Variants in AGL observed in about 807,000 individuals in gnomAD.
AGL encodes glycogen debranching enzyme.
Under a neutral mutation model 199.3 loss-of-function variants are expected in AGL, and 128 were observed. That is an observed-to-expected ratio of 0.64 (90% CI 0.56 to 0.74). AGL has a LOEUF of 0.74. AGL is among the 30% of genes least tolerant of loss of function. AGL has a pLI of 0.00. For synonymous variants in AGL, 584 were observed against 594.7 expected (o/e 0.98, Z 0.26); for missense variants, 1,809 against 1,820.8 (o/e 0.99, Z 0.12).
Position 99,913,722 on chromosome 1 carries a change from C to T in AGL, c.4145C>T (p.Thr1382Ile), listed in dbSNP as rs1344902124. ...GACTATCAGCTCAGGCCTAATTTTA[C>T]CATAGCAATGGTTGTGGTAGGTGAT... ...WCDYQLRPNF[T>I]IAMVVAPELF... The change falls in exon 30 of 34, where the codon ACC becomes ATC. Residue 1382 changes from threonine to isoleucine, a missense_variant. Transcript: ENST00000361915. 6.2e-7 allele frequency: 1 copy of T among 1,613,962 alleles called. No individual in the cohort carries two copies. Among genetic ancestry groups the T allele is most frequent in the Non-Finnish European group, 8.5e-7 (1 of 1,179,862 alleles).
chr1:99,900,978 A>G (rs994001324), intron 26 of AGL, 117 bp downstream of exon 26: 1 of 1,000,994 alleles, frequency 1.0e-6, no homozygotes, highest in African/African-American at 1.6e-5. Context: ...AATTATTCAA[A>G]TGTCAGTATT....
intron 28 of AGL, among the ~76,000 whole-genome samples, chr1:99,911,954 A>C (rs1441536965): frequency 6.6e-6 from 1 of 152,134 alleles, no homozygotes; most frequent in Admixed American, 6.6e-5. Context: ...CCATCTTTAC[A>C]TGCTTTACCA....
At chr1:99,857,472 G>A (rs1649610291) in intron 2 of AGL, among the ~76,000 whole-genome samples, 1 of 152,068 alleles carries the variant, frequency 6.6e-6, no homozygotes, top group Admixed American at 6.5e-5. Flanking sequence ...GCTGGGAGGT[G>A]GAGGTTGTAG....
chr1:99,889,200 T>A (rs1652689800), intron 21 of AGL, among the ~76,000 whole-genome samples: 1 of 152,212 alleles, frequency 6.6e-6, no homozygotes, highest in South Asian at 2.1e-4. Flanking sequence ...TTGGAAATTG[T>A]TAGCCTTAAA....
intron 9 of AGL, 32 bp from the exon 10 acceptor site, chr1:99,875,326 G>C (rs1308673659): frequency 6.2e-7 from 1 of 1,612,902 alleles, no homozygotes; most frequent in Non-Finnish European, 8.5e-7. Flanking sequence ...CTTGAGGATG[G>C]TGATGATCTA....
rs773106700 is a variant in AGL, at chr1:99,875,267, T to C, written c.1185+11T>C. The C allele has an allele frequency of 4.3e-6, 7 of 1,613,226 alleles. No individual in the cohort carries two copies. The Admixed American group carries it at 5.0e-5, about 12-fold the overall frequency. ...TATCATCAGGAACAGGTTTTACTTA[T>C]TTTTGAACTGCTGCTTTTCCTTGCA... is the stretch of plus-strand genomic sequence containing the variant. On this transcript the variant is annotated intron_variant, in intron 9 of 33. Transcript: ENST00000361915.
At chr1:99,915,006 G>A (rs975355450) in intron 30 of AGL, among the ~76,000 whole-genome samples, 1 of 152,134 alleles carries the variant, frequency 6.6e-6, no homozygotes. Flanking sequence ...CTTGAGCCCA[G>A]GAGATTGAGG....
intron 5 of AGL, 109 bp from the exon 6 acceptor site, chr1:99,870,291 G>T (rs1274751626): frequency 1.7e-6 from 2 of 1,196,540 alleles, no homozygotes; most frequent in Admixed American, 2.0e-5. Flanking sequence ...GTCCAATATA[G>T]AAAAAAATGA....
At chr1:99,879,886 CATTT>C (rs1272827315) in intron 12 of AGL, 33 bp from the exon 13 acceptor site, 4 of 1,545,442 alleles carry the variant, frequency 2.6e-6, no homozygotes, top group East Asian at 2.3e-5. Flanking sequence ...CTTTCTGTTA[CATTT>C]ATTTGTTACA....
intron 20 of AGL, 50 bp downstream of exon 20, chr1:99,884,753 C>T (rs1327298632): frequency 6.2e-7 from 1 of 1,605,484 alleles, no homozygotes; most frequent in Admixed American, 1.7e-5. Flanking sequence ...AAGTAAGTTA[C>T]CACTAGACTG....
chr1:99,916,829 C>T lies in AGL; in HGVS notation c.4481+98C>T, dbSNP rs190690940. The T allele has an allele frequency of 9.5e-5, 121 of 1,275,704 alleles. No homozygotes were observed. In the African/African-American group the frequency reaches 1.4e-3, roughly 14 times the overall value. The allele number at this position is 1,275,704 out of a possible 1,614,324, so 79.0% of individuals were successfully genotyped here. On this transcript the variant is annotated intron_variant, in intron 33 of 33. Coordinates refer to ENST00000361915, the MANE Select transcript of AGL (RefSeq NM_000642.3). ...TTTCTTAGAATTGATTTCTGTATGC[C>T]CTAGGTATCCCAATGAAAAGTGAAG...
At chr1:99,852,934 C>A (rs970361184) in intron 2 of AGL, among the ~76,000 whole-genome samples, 1 of 152,020 alleles carries the variant, frequency 6.6e-6, no homozygotes, top group Non-Finnish European at 1.5e-5. Context: ...CAAAAATATC[C>A]CCTGCCCATT....
chr1:99,870,340 A>G (rs1003560053), intron 5 of AGL, 60 bp from the exon 6 acceptor site: 25 of 1,525,016 alleles, frequency 1.6e-5, no homozygotes, highest in Non-Finnish European at 2.3e-5. Context: ...TCTAAACTTA[A>G]CATAGATACA....
chr1:99,854,202 A>T (rs1037643082), intron 2 of AGL, among the ~76,000 whole-genome samples: 30 of 152,190 alleles, frequency 2.0e-4, no homozygotes, highest in African/African-American at 7.0e-4. Context: ...CTTAAAAAAA[A>T]ATAAAAAATA....
chr1:99,866,275 G>T (rs1402661472), intron 5 of AGL, among the ~76,000 whole-genome samples: 3 of 152,164 alleles, frequency 2.0e-5, no homozygotes, highest in Non-Finnish European at 4.4e-5. Flanking sequence ...AAAACATAGG[G>T]ACTAAAGGCT....
In AGL at chr1:99,916,259, G is replaced by A. The variant is rs6665958; in HGVS notation, c.4260-151G>A. ...TGAACTCAGTATGTACTAATTTAAGGTTAGATGGATGATGTACTAATGCCG... is the reference window on the plus strand; with the variant it reads ...TGAACTCAGTATGTACTAATTTAAGATTAGATGGATGATGTACTAATGCCG... On this transcript the variant is annotated intron_variant, in intron 31 of 33. Coordinates refer to ENST00000361915, the MANE Select transcript of AGL (RefSeq NM_000642.3). 1.5e-4 allele frequency: 100 copies of A among 645,802 alleles called. 1 individual carries two copies. Among genetic ancestry groups the A allele is most frequent in the Admixed American group, 1.3e-3 (43 of 33,470 alleles). The allele number at this position is 645,802 out of a possible 1,614,324, so 40.0% of individuals were successfully genotyped here.
At position 99,870,738 on chromosome 1, in the gene AGL, T is replaced by A; in HGVS notation, c.847-20T>A. 6.6e-7 allele frequency: 1 copy of A among 1,510,990 alleles called. No homozygotes were observed. The highest frequency in any genetic ancestry group is 9.2e-7 in the Non-Finnish European group (1 of 1,088,034). 93.6% of individuals were successfully genotyped at this position (1,510,990 alleles called of 1,614,324 possible). On this transcript the variant is annotated intron_variant, in intron 6 of 33. Transcript: ENST00000361915. ...TAAGTATATGTATATATGTATTTTT[T>A]AACTATTGACATTTTTCAGTCCATC...
intron 11 of AGL, among the ~76,000 whole-genome samples, chr1:99,876,874 T>A (rs1005695351): frequency 2.0e-5 from 3 of 152,230 alleles, no homozygotes; most frequent in African/African-American, 7.2e-5. Flanking sequence ...CTACATAAGC[T>A]TTTATTTGGA....
At chr1:99,907,693 G>GTTTTTTTTGTTTTTTTTTTTTTTTTT (rs148390359) in intron 27 of AGL, among the ~76,000 whole-genome samples, 1 of 118,940 alleles carries the variant, frequency 8.4e-6, no homozygotes, top group African/African-American at 3.0e-5. Context: ...TTTGTTTTTT[G>GTTTTTTTTGTTTTTTTTTTTTTTTTT]TTTTTTTTGC....
Sources: allele counts gnomAD v4.1 joint callset (sites outside exome capture counted in the v4.1 genomes callset), GRCh38; gene constraint gnomAD v4.1.1; transcripts MANE v1.5; gene names NCBI Gene and HGNC (gene_info 2026-07-23, HGNC 2026-07-21).